The following GSDMC variants were observed in gnomAD, a reference collection of about 807,000 sequenced individuals.
GSDMC encodes the protein gasdermin C, also known as gasdermin-C.
GSDMC carries 59 observed loss-of-function variants against 58.0 expected under a neutral mutation model. That is an observed-to-expected ratio of 1.02 (90% CI 0.82 to 1.26). GSDMC has a LOEUF of 1.26. Ranked by LOEUF, GSDMC falls within the 50% of genes most tolerant of loss-of-function variation. The pLI, the probability that GSDMC is intolerant of heterozygous loss-of-function variation, is 0.00. For missense variants in GSDMC, 659 were observed against 598.5 expected (o/e 1.10, Z -1.06); for synonymous variants, 241 against 220.2 (o/e 1.09, Z -0.83).
chr8:129,727,200 C>G, the GSDMC span, among the ~76,000 whole-genome samples: 1 of 152,004 alleles, frequency 6.6e-6, no homozygotes, highest in Admixed American at 6.6e-5. Context: ...CCATGACTTA[C>G]GATGGACATA....
Position 129,748,729 on chromosome 8 carries a change from G to A in GSDMC, c.1299C>T (p.Ile433=). 1.1e-5 allele frequency: 17 copies of A among 1,529,836 alleles called. No individual in the cohort carries two copies. The highest frequency in any genetic ancestry group is 1.4e-5 in the Non-Finnish European group (16 of 1,140,834). 94.8% of individuals were successfully genotyped at this position (1,529,836 alleles called of 1,614,324 possible). Residue 433 remains isoleucine, a synonymous_variant, in exon 14 of 14, where the codon ATC becomes ATT. Coordinates refer to ENST00000276708, the MANE Select transcript of GSDMC (RefSeq NM_031415.3). ...AGGGGTATCTGAAGTTTGGCTCCAG[G>A]ATGCTCCTTACCTAGAAGAAAGATG... is the stretch of plus-strand genomic sequence containing the variant. ...LLQQQELVRS[I]LEPNFRYPWS...
In GSDMC at chr8:129,754,268, C is replaced by G. The variant is rs190733374; in HGVS notation, c.722-1448G>C. 7.6e-4 allele frequency among the ~76,000 whole-genome samples: 115 copies of G among 151,716 alleles called. 1 individual carries two copies. Among genetic ancestry groups the G allele is most frequent in the South Asian group, 4.8e-3 (23 of 4,788 alleles). ...GTGGTGGCCACAGGGGTGCTTGCAT[C>G]ACCACACTCCCAATTTCAGGTGGCT... is the stretch of plus-strand genomic sequence containing the variant. On this transcript the variant is annotated intron_variant, in intron 6 of 13. Coordinates refer to ENST00000276708, the MANE Select transcript of GSDMC (RefSeq NM_031415.3).
chr8:129,751,982 T>G, intron 8 of GSDMC, 91 bp from the exon 9 acceptor site: 2 of 1,456,980 alleles, frequency 1.4e-6, no homozygotes, highest in Non-Finnish European at 1.9e-6. Context: ...CACTCTTCTC[T>G]ATCTGTTCCT....
chr8:129,719,005 G>A, the GSDMC span, among the ~76,000 whole-genome samples: 3 of 152,122 alleles, frequency 2.0e-5, no homozygotes, highest in African/African-American at 7.2e-5. Context: ...GACACAGGGA[G>A]GGGAGTATCA....
chr8:129,764,813 C>A (rs2033799777), intron 4 of GSDMC, among the ~76,000 whole-genome samples: 1 of 152,228 alleles, frequency 6.6e-6, no homozygotes, highest in African/African-American at 2.4e-5. Context: ...TCCCACCTAT[C>A]TTCAGAGGTA....
At chr8:129,763,337 G>A (rs932186895) in intron 4 of GSDMC, among the ~76,000 whole-genome samples, 3 of 152,138 alleles carry the variant, frequency 2.0e-5, no homozygotes, top group Non-Finnish European at 2.9e-5. Flanking sequence ...AATATTTATG[G>A]TTGTCTTTTT....
chr8:129,709,815 T>C, the GSDMC span, among the ~76,000 whole-genome samples: 1 of 152,214 alleles, frequency 6.6e-6, no homozygotes, highest in African/African-American at 2.4e-5. Context: ...TCAATCTCTT[T>C]CCTACAATAA....
chr8:129,749,998 G>T lies in GSDMC; in HGVS notation c.1205C>A (p.Ala402Asp). 6.3e-7 allele frequency: 1 copy of T among 1,599,118 alleles called. No homozygotes were observed. Among genetic ancestry groups the T allele is most frequent in the Non-Finnish European group, 8.5e-7 (1 of 1,175,644 alleles). ...PKDPILYLLE[A>D]IMVLSDFQHD... is the part of the protein sequence containing the mutation. ...CCTTTAATTACTCTTACCCATTATG[G>T]CTTCAAGGAGATAAAGAATGGGGTC... The change falls in exon 12 of 14, where the codon GCC becomes GAC. Residue 402 changes from alanine (A) to aspartate (D), a missense_variant. Ala to Asp is a moderately radical substitution (Grantham distance 126, BLOSUM62 -2). Coordinates refer to ENST00000276708, the MANE Select transcript of GSDMC (RefSeq NM_031415.3).
At chr8:129,708,933 C>T in the GSDMC span, among the ~76,000 whole-genome samples, 1 of 152,238 alleles carries the variant, frequency 6.6e-6, no homozygotes, top group African/African-American at 2.4e-5. Context: ...TTATGGGCCT[C>T]AGTTTCCTCA....
chr8:129,753,509 T>C (rs2033302182), intron 6 of GSDMC, among the ~76,000 whole-genome samples: 1 of 152,190 alleles, frequency 6.6e-6, no homozygotes, highest in African/African-American at 2.4e-5. Context: ...CCAGGTGGTA[T>C]GTAGTGGGCC....
At chr8:129,709,186 T>C in the GSDMC span, among the ~76,000 whole-genome samples, 4 of 146,490 alleles carry the variant, frequency 2.7e-5, no homozygotes, top group African/African-American at 7.9e-5. Flanking sequence ...TTTTTTTTTT[T>C]AATGTTTATC....
Position 129,750,552 on chromosome 8 carries a change from T to A in GSDMC, c.962A>T (p.Glu321Val), listed in dbSNP as rs2033148716. ...TGTCTTTATTTTCTGGAAAACCTCCTCTTGTAGATGCTTGAAATCTGCTCT... is the reference window on the plus strand; with the variant it reads ...TGTCTTTATTTTCTGGAAAACCTCCACTTGTAGATGCTTGAAATCTGCTCT... Reference protein sequence around the residue: ...PFWQNFKHLQEEVFQKIKTLA... With the variant: ...PFWQNFKHLQVEVFQKIKTLA... The change falls in exon 11 of 14, where the codon GAG becomes GTG. Residue 321 changes from glutamate to valine, a missense_variant. Glu to Val is a moderately radical substitution (Grantham distance 121). Transcript: ENST00000276708. 6.2e-7 allele frequency: 1 copy of A among 1,613,908 alleles called. No homozygotes were observed. Among genetic ancestry groups the A allele is most frequent in the African/African-American group, 1.3e-5 (1 of 74,922 alleles).
chr8:129,726,959 C>T, the GSDMC span, among the ~76,000 whole-genome samples: 1 of 151,664 alleles, frequency 6.6e-6, no homozygotes, highest in Non-Finnish European at 1.5e-5. Flanking sequence ...ACCCCCATGT[C>T]TCAGTCTTCC....
At chr8:129,715,157 C>A in the GSDMC span, among the ~76,000 whole-genome samples, 1 of 152,180 alleles carries the variant, frequency 6.6e-6, no homozygotes, top group African/African-American at 2.4e-5. Context: ...AACAGTGTCT[C>A]TTCCCCAACC....
chr8:129,727,023 C>CACATACACACACAT, the GSDMC span, among the ~76,000 whole-genome samples: 11 of 150,324 alleles, frequency 7.3e-5, no homozygotes, highest in Admixed American at 3.3e-4. Flanking sequence ...CACACACACA[C>CACATACACACACAT]ACCTATTCAC....
chr8:129,785,364 T>A (rs532890383), intron 1 of GSDMC, among the ~76,000 whole-genome samples: 125 of 137,412 alleles, frequency 9.1e-4, no homozygotes, highest in Non-Finnish European at 1.4e-3. Context: ...GGAGATAGAG[T>A]AAAATGATGG....
the GSDMC span, among the ~76,000 whole-genome samples, chr8:129,739,886 T>C: frequency 4.6e-5 from 7 of 152,160 alleles, no homozygotes; most frequent in Admixed American, 4.6e-4. Flanking sequence ...AAGAAAGCCT[T>C]GTTATCCTAG....
the GSDMC span, among the ~76,000 whole-genome samples, chr8:129,725,778 AATG>A: frequency 1.3e-5 from 2 of 152,206 alleles, no homozygotes; most frequent in African/African-American, 4.8e-5. Context: ...CGCTGGGGAA[AATG>A]AAGCTCAAAG....
Position 129,752,729 on chromosome 8 carries a change from A to G in GSDMC, c.813T>C (p.Asn271=). ...SFHTISPTLF[N]ASSNDMKLKP... ...TTAACTTCATATCATTGGATGAGGCATTGAAGAGGGTTGGAGAGATGGTAT... is the reference window on the plus strand; with the variant it reads ...TTAACTTCATATCATTGGATGAGGCGTTGAAGAGGGTTGGAGAGATGGTAT... Residue 271 remains asparagine (N), a synonymous_variant, in exon 7 of 14, where the codon AAT becomes AAC. Coordinates refer to ENST00000276708, the MANE Select transcript of GSDMC (RefSeq NM_031415.3). The G allele has an allele frequency of 6.2e-7, 1 of 1,614,244 alleles. No homozygotes were observed.
Sources: gnomAD v4.1 joint callset for allele counts (sites outside exome capture counted in the v4.1 genomes callset) on GRCh38, gnomAD v4.1.1 for gene constraint, MANE v1.5 for transcripts, NCBI Gene and HGNC (gene_info 2026-07-23, HGNC 2026-07-21) for gene names.